Variants in SLC2A14 observed in about 807,000 individuals in gnomAD.
SLC2A14 encodes solute carrier family 2, facilitated glucose transporter member 14.
Under a neutral mutation model 43.0 loss-of-function variants are expected in SLC2A14, and 13 were observed. The observed-to-expected ratio is 0.30, with a 90% CI of 0.20 to 0.48. The LOEUF (loss-of-function observed/expected upper bound fraction) is 0.48. Among genes scored for constraint, SLC2A14 ranks in the 20% least tolerant of loss-of-function variants. The pLI is 0.99. For synonymous variants in SLC2A14, 190 were observed against 233.8 expected, an observed-to-expected ratio of 0.81 and a Z score of 1.71; for missense variants, 428 against 620.4, an observed-to-expected ratio of 0.69 and a Z score of 3.29.
chr12:7,890,857 C>G lies in SLC2A14; in HGVS notation c.132+139G>C, dbSNP rs748929254. ...GCGGGCAAGCTCAGCCTCGGTGAGT[C>G]TTGGTGGCCTTGACAGCCCCCACTT... On this transcript the variant is annotated intron_variant, in intron 1 of 9. Transcript: ENST00000539924. 2.3e-4 allele frequency: 206 copies of G among 915,226 alleles called. 1 individual carries two copies. In the Middle Eastern group the frequency reaches 2.6e-3, roughly 12 times the overall value. The allele number at this position is 915,226 out of a possible 1,614,324, so 56.7% of individuals were successfully genotyped here. A position where few individuals can be genotyped will look rare whatever the true frequency, so the allele number is the denominator to read the frequency against.
In SLC2A14 at chr12:7,829,790, T is replaced by G. The variant is rs769505947; in HGVS notation, c.489A>C (p.Ile163=). ...CCTGGGCCACCAGAATTCCAATAAC[T>G]ATGCCCAGCTGGTTGAGAGTGCCAA... The part of the protein sequence containing the change: ...GAFGTLNQLG[I]VIGILVAQIF... Residue 163 remains isoleucine (I), a synonymous_variant, in exon 5 of 11, where the codon ATA becomes ATC. Transcript: ENST00000431042. 1.5e-5 allele frequency: 25 copies of G among 1,613,956 alleles called. 1 individual carries two copies. The highest frequency in any genetic ancestry group is 1.6e-4 in the Middle Eastern group (1 of 6,084).
At chr12:7,878,541 G>A (rs1945504280) in intron 1 of SLC2A14, among the ~76,000 whole-genome samples, 2 of 151,954 alleles carry the variant, frequency 1.3e-5, no homozygotes, top group East Asian at 1.9e-4. Context: ...TTACAGGCAT[G>A]AGCCACCCTG....
At chr12:7,877,463 T>C (rs1002743844), upstream of SLC2A14, among the ~76,000 whole-genome samples, 1 of 151,906 alleles carries the variant, frequency 6.6e-6, no homozygotes, top group South Asian at 2.1e-4. Flanking sequence ...TTTGCCCTTG[T>C]TGCCCGGGCT....
At chr12:7,862,215 G>A (rs1365951231) in intron 2 of SLC2A14, among the ~76,000 whole-genome samples, 1 of 130,374 alleles carries the variant, frequency 7.7e-6, no homozygotes, top group East Asian at 2.4e-4. Flanking sequence ...AGTGAGCCGA[G>A]ATCACGCCAC....
At chr12:7,819,332 C>T (rs994284667) in intron 9 of SLC2A14, 150 bp downstream of exon 9, 1 of 1,341,522 alleles carries the variant, frequency 7.5e-7, no homozygotes, top group Non-Finnish European at 1.0e-6. Context: ...TCTGATGACC[C>T]ATGTTTCTTA....
At chr12:7,890,738 G>C (rs1278686524) in intron 1 of SLC2A14, 1 of 242,222 alleles carries the variant, frequency 4.1e-6, no homozygotes, top group African/African-American at 2.3e-5. Context: ...CAATGGGACA[G>C]GGAGCGGGGG....
intron 2 of SLC2A14, among the ~76,000 whole-genome samples, chr12:7,867,475 C>G (rs1051188787): frequency 6.6e-6 from 1 of 151,840 alleles, no homozygotes; most frequent in Non-Finnish European, 1.5e-5. Flanking sequence ...AAGTGGAACC[C>G]GAAGATGAGA....
At chr12:7,859,130 T>C (rs1944406806) in intron 2 of SLC2A14, among the ~76,000 whole-genome samples, 1 of 152,254 alleles carries the variant, frequency 6.6e-6, no homozygotes, top group African/African-American at 2.4e-5. Context: ...GGCTGGTGCC[T>C]GTAATCCCAG....
upstream of SLC2A14, chr12:7,872,933 G>A (rs1945321532): frequency 2.0e-6 from 2 of 985,506 alleles, no homozygotes; most frequent in African/African-American, 1.7e-5. Flanking sequence ...AAAAGCCTAG[G>A]ATTCGACTTT....
intron 8 of SLC2A14, 40 bp downstream of exon 8, chr12:7,821,181 T>A: frequency 2.7e-6 from 4 of 1,487,442 alleles, no homozygotes; most frequent in Non-Finnish European, 3.8e-6. Flanking sequence ...GTAGCAAGGA[T>A]TCATTTCTCC....
intron 1 of SLC2A14, among the ~76,000 whole-genome samples, chr12:7,883,988 A>G (rs1228736922): frequency 1.3e-5 from 2 of 148,738 alleles, no homozygotes; most frequent in Admixed American, 6.8e-5. Flanking sequence ...CAGTGGCACA[A>G]TCTCGGCTCA....
intron 2 of SLC2A14, among the ~76,000 whole-genome samples, chr12:7,840,160 C>CTTTT (rs58740298): frequency 1.5e-5 from 1 of 68,798 alleles, no homozygotes; most frequent in Non-Finnish European, 2.3e-5. Context: ...GAGTTTGCTC[C>CTTTT]TTTTTTTTTT....
intron 7 of SLC2A14, among the ~76,000 whole-genome samples, chr12:7,825,537 GCA>G (rs1442001974): frequency 7.1e-6 from 1 of 140,724 alleles, no homozygotes; most frequent in Non-Finnish European, 1.6e-5. Context: ...GCCGAGGCGG[GCA>G]GATCACAAAG....
chr12:7,830,468 A>T (rs533167213), intron 4 of SLC2A14, among the ~76,000 whole-genome samples: 157 of 151,920 alleles, frequency 1.0e-3, no homozygotes, highest in Non-Finnish European at 1.9e-3. Flanking sequence ...ACTTTCTATT[A>T]TCAGAACGTT....
In SLC2A14 at chr12:7,872,868, C is replaced by A; in HGVS notation, c.-119G>T. On this transcript the variant is annotated 5_prime_UTR_variant, in exon 1 of 11. Transcript: ENST00000431042. ...TTCGCTCAACCACGCACCTCCCGGGCCGCTGCGCCCCCGCCGGCCCCGCCT... is the reference window on the plus strand; with the variant it reads ...TTCGCTCAACCACGCACCTCCCGGGACGCTGCGCCCCCGCCGGCCCCGCCT... The A allele has an allele frequency of 1.0e-6, 1 of 985,602 alleles. No homozygotes were observed. Among genetic ancestry groups the A allele is most frequent in the African/African-American group, 1.7e-5 (1 of 57,368 alleles). 61.1% of individuals were successfully genotyped at this position (985,602 alleles called of 1,614,324 possible).
chr12:7,831,465 C>T, intron 4 of SLC2A14, 139 bp downstream of exon 4: 5 of 1,298,954 alleles, frequency 3.8e-6, no homozygotes, highest in East Asian at 4.9e-5. Flanking sequence ...ATATTCGGGG[C>T]CAGTTGGGCT....
chr12:7,888,926 A>C (rs911497600), intron 1 of SLC2A14, among the ~76,000 whole-genome samples: 1 of 152,100 alleles, frequency 6.6e-6, no homozygotes, highest in African/African-American at 2.4e-5. Flanking sequence ...TCTGGACTCT[A>C]ATTTCCAATG....
chr12:7,891,039 G>A (rs1375894653), exon 1 of SLC2A14: 1 of 1,534,972 alleles, frequency 6.5e-7, no homozygotes, highest in South Asian at 1.2e-5. Flanking sequence ...CAGAGTGGAG[G>A]TCTGAGAAGA....
At chr12:7,863,320 C>G (rs1437122145) in intron 2 of SLC2A14, 2 of 451,264 alleles carry the variant, frequency 4.4e-6, no homozygotes, top group South Asian at 1.6e-5. Context: ...ATCTGAACAT[C>G]AGAAGGGAGG....
Sources: allele counts gnomAD v4.1 joint callset (sites outside exome capture counted in the v4.1 genomes callset), GRCh38; gene constraint gnomAD v4.1.1; transcripts MANE v1.5; gene names NCBI Gene and HGNC (gene_info 2026-07-23, HGNC 2026-07-21).